The following PPFIBP2 variants were observed in gnomAD, a reference collection of about 807,000 sequenced individuals.
PPFIBP2 encodes the protein PPFIB scaffold protein 2.
PPFIBP2 carries 118 observed loss-of-function variants against 118.3 expected under a neutral mutation model. The observed-to-expected ratio is 1.00, with a 90% CI of 0.86 to 1.16. PPFIBP2 has a LOEUF of 1.16. PPFIBP2 is among the 50% of genes most tolerant of loss of function. The pLI, the probability that PPFIBP2 is intolerant of heterozygous loss-of-function variation, is 0.00. For missense variants in PPFIBP2, 1,195 were observed against 1,073.1 expected (o/e 1.11, Z -1.59); for synonymous variants, 414 against 397.4 (o/e 1.04, Z -0.50).
At chr11:7,608,189 G>A (rs947523513) in intron 5 of PPFIBP2, among the ~76,000 whole-genome samples, 1 of 152,220 alleles carries the variant, frequency 6.6e-6, no homozygotes, top group African/African-American at 2.4e-5. Context: ...GGCAATTTGA[G>A]TGGGCATTTC....
chr11:7,654,105 CAAG>C (rs1470995183), downstream of PPFIBP2, among the ~76,000 whole-genome samples: 3 of 152,178 alleles, frequency 2.0e-5, no homozygotes, highest in East Asian at 3.9e-4. Context: ...GGTGGGGAGA[CAAG>C]AAGGCACCTT....
chr11:7,553,959 C>G lies in PPFIBP2; in HGVS notation c.64+4420C>G, dbSNP rs559648882. On this transcript the variant is annotated intron_variant, in intron 2 of 23. Transcript: ENST00000299492. The stretch of plus-strand genomic sequence containing the variant: ...ATCCCTAAGCCAGAGTGGTTTTGTT[C>G]TTGTCTCTCTTACGTTATTTCTTCT... Among the ~76,000 whole-genome samples the G allele has an allele frequency of 1.7e-4, 26 of 152,158 alleles. No individual in the cohort carries two copies. In the South Asian group the frequency reaches 4.2e-3, roughly 24 times the overall value.
rs930080383 is a variant in PPFIBP2, at chr11:7,640,990, CTT to C, written c.1376-488_1376-487del. On this transcript the variant is annotated intron_variant, in intron 15 of 23. Transcript: ENST00000299492. ...TCTGTTGGGCTGGACTTTGGCCTCT[CTT>C]GTTTCTTCATGTGGCTTCTCTGCTT... 1.8e-5 allele frequency: 22 copies of C among 1,243,518 alleles called. No individual in the cohort carries two copies. In the African/African-American group the frequency reaches 2.6e-4, roughly 15 times the overall value. The allele number at this position is 1,243,518 out of a possible 1,614,324, so 77.0% of individuals were successfully genotyped here.
At chr11:7,517,255 T>G (rs963877773) in intron 1 of PPFIBP2, among the ~76,000 whole-genome samples, 22 of 152,282 alleles carry the variant, frequency 1.4e-4, no homozygotes, top group African/African-American at 5.3e-4. Context: ...GTGAGGGTGA[T>G]GAGTTCAGCT....
chr11:7,624,345 G>T (rs1380087458), intron 7 of PPFIBP2, among the ~76,000 whole-genome samples: 1 of 152,198 alleles, frequency 6.6e-6, no homozygotes, highest in Non-Finnish European at 1.5e-5. Flanking sequence ...TCCTCGGGTG[G>T]TTGCTTGTGA....
intron 10 of PPFIBP2, among the ~76,000 whole-genome samples, chr11:7,630,444 C>T (rs533806188): frequency 1.8e-4 from 27 of 152,228 alleles, no homozygotes; most frequent in Non-Finnish European, 2.6e-4. Flanking sequence ...CCTGAGTAGC[C>T]GGGATTACAG....
chr11:7,624,775 G>A (rs553060578), intron 7 of PPFIBP2, among the ~76,000 whole-genome samples: 1 of 152,306 alleles, frequency 6.6e-6, no homozygotes, highest in South Asian at 2.1e-4. Context: ...TATTGGACTA[G>A]GTTGTTGATA....
chr11:7,631,230 A>C (rs1382463874), intron 11 of PPFIBP2: 1 of 537,526 alleles, frequency 1.9e-6, no homozygotes, highest in Non-Finnish European at 3.3e-6. Flanking sequence ...TGGAGGCAGC[A>C]TGGTGGATAC....
chr11:7,653,937 AGAG>A (rs1377379217), downstream of PPFIBP2, among the ~76,000 whole-genome samples: 2 of 152,256 alleles, frequency 1.3e-5, no homozygotes, highest in East Asian at 3.9e-4. Flanking sequence ...CATAGCCTTC[AGAG>A]GAGGTCCGTG....
chr11:7,533,279 C>T (rs1590139336), intron 1 of PPFIBP2, among the ~76,000 whole-genome samples: 1 of 152,148 alleles, frequency 6.6e-6, no homozygotes. Context: ...GGAGAAAGTT[C>T]GATGAGAGAG....
At chr11:7,562,784 C>G (rs1427707626) in intron 2 of PPFIBP2, among the ~76,000 whole-genome samples, 4 of 151,470 alleles carry the variant, frequency 2.6e-5, no homozygotes, top group Non-Finnish European at 5.9e-5. Context: ...CGTTTGTCAT[C>G]TGAGGCTTTT....
chr11:7,650,708 G>A, intron 21 of PPFIBP2, 132 bp from the exon 22 acceptor site: 1 of 899,376 alleles, frequency 1.1e-6, no homozygotes, highest in Non-Finnish European at 1.6e-6. Context: ...GATGGGGTGG[G>A]TCACTAAGCT....
At chr11:7,622,803 C>T (rs1490974138) in intron 7 of PPFIBP2, among the ~76,000 whole-genome samples, 2 of 152,212 alleles carry the variant, frequency 1.3e-5, no homozygotes, top group African/African-American at 2.4e-5. Flanking sequence ...CACAACACCC[C>T]ACTCAAACAA....
At chr11:7,632,245 C>A (rs1429257061) in intron 11 of PPFIBP2, 2 of 152,332 alleles carry the variant, frequency 1.3e-5, no homozygotes, top group African/African-American at 4.8e-5. Context: ...TCTCAGCCTT[C>A]CCTCTGGTGA....
chr11:7,649,079 CTTTTTT>C, intron 19 of PPFIBP2, 62 bp from the exon 20 acceptor site: 5 of 1,493,520 alleles, frequency 3.3e-6, no homozygotes, highest in Non-Finnish European at 3.7e-6. Context: ...ATTTGCTCCC[CTTTTTT>C]TGGTGTCTAC....
intron 5 of PPFIBP2, among the ~76,000 whole-genome samples, chr11:7,605,163 T>C (rs1051745414): frequency 6.6e-6 from 1 of 152,212 alleles, no homozygotes; most frequent in Non-Finnish European, 1.5e-5. Flanking sequence ...AAGATGGCAA[T>C]GTACAATTGT....
intron 6 of PPFIBP2, among the ~76,000 whole-genome samples, chr11:7,610,810 G>T (rs1382192715): frequency 6.6e-6 from 1 of 152,214 alleles, no homozygotes; most frequent in South Asian, 2.1e-4. Context: ...AAGGAGTCTG[G>T]AAACGTTTCT....
intron 1 of PPFIBP2, among the ~76,000 whole-genome samples, chr11:7,530,426 G>A (rs947871156): frequency 2.6e-4 from 40 of 152,178 alleles, no homozygotes; most frequent in Admixed American, 2.0e-4. Context: ...CCAAAGTGAT[G>A]GTATTAGGAG....
At chr11:7,633,140 T>C (rs750646039) in intron 12 of PPFIBP2, among the ~76,000 whole-genome samples, 5 of 152,180 alleles carry the variant, frequency 3.3e-5, no homozygotes, top group African/African-American at 4.8e-5. Context: ...AGGGTGTGGA[T>C]CATTGTCACT....
Sources: gnomAD v4.1 joint callset for allele counts (sites outside exome capture counted in the v4.1 genomes callset) on GRCh38, gnomAD v4.1.1 for gene constraint, MANE v1.5 for transcripts, NCBI Gene and HGNC (gene_info 2026-07-23, HGNC 2026-07-21) for gene names.